Variants in SCN9A observed in about 807,000 individuals in gnomAD.
The protein encoded by SCN9A is sodium channel protein type 9 subunit alpha.
Under a neutral mutation model 187.0 loss-of-function variants are expected in SCN9A, and 131 were observed. That is an observed-to-expected ratio of 0.70 (90% CI 0.61 to 0.81). The LOEUF is 0.81. SCN9A is among the 30% of genes least tolerant of loss of function. SCN9A has a pLI of 0.00. For synonymous variants in SCN9A, 809 were observed against 808.6 expected (o/e 1.00, Z -0.01); for missense variants, 2,252 against 2,396.6 (o/e 0.94, Z 1.26).
At chr2:166,359,441 G>A (rs1700226248) in intron 1 of SCN9A, among the ~76,000 whole-genome samples, 1 of 152,020 alleles carries the variant, frequency 6.6e-6, no homozygotes, top group Admixed American at 6.6e-5. Flanking sequence ...CTAATGTTAA[G>A]TGTATCAATA....
At chr2:166,254,932 G>T (rs1696200820) in intron 17 of SCN9A, among the ~76,000 whole-genome samples, 1 of 151,326 alleles carries the variant, frequency 6.6e-6, no homozygotes. Context: ...TAGCATTCCT[G>T]CCTTTTTATT....
chr2:166,363,551 C>A (rs531938194), intron 1 of SCN9A, among the ~76,000 whole-genome samples: 1 of 151,966 alleles, frequency 6.6e-6, no homozygotes, highest in African/African-American at 2.4e-5. Flanking sequence ...CAGAACAAAA[C>A]AAAATGAAAT....
In SCN9A at chr2:166,198,891, G is replaced by A. The variant is rs201970521; in HGVS notation, c.5748C>T (p.Tyr1916=). The change falls in exon 27 of 27, where the codon TAC becomes TAT. Residue 1916 remains tyrosine (Y), a synonymous_variant. Coordinates refer to ENST00000642356, the MANE Select transcript of SCN9A (RefSeq NM_001365536.1). ...CATCATCTCTGTCTCCATCTTTTAT[G>A]TATATACTTGATATATTTTTGACAT... is the stretch of plus-strand genomic sequence containing the variant. ...RQNVKNISSI[Y]IKDGDRDDDL... is the part of the protein sequence containing the mutation. The A allele has an allele frequency of 4.3e-6, 7 of 1,613,350 alleles. No individual in the cohort carries two copies. In the Admixed American group the frequency reaches 1.0e-4, roughly 23 times the overall value.
chr2:166,260,221 GACT>G (rs939307472), intron 17 of SCN9A, among the ~76,000 whole-genome samples: 2 of 151,832 alleles, frequency 1.3e-5, no homozygotes, highest in African/African-American at 2.4e-5. Flanking sequence ...TCAACAAAAT[GACT>G]ACATTTCATA....
chr2:166,309,623 A>T (rs1038546290), intron 2 of SCN9A, among the ~76,000 whole-genome samples: 2 of 151,922 alleles, frequency 1.3e-5, no homozygotes, highest in East Asian at 3.9e-4. Context: ...ATGGAAGAAC[A>T]TTCCATGCTC....
At chr2:166,278,880 T>C (rs990145829) in intron 14 of SCN9A, among the ~76,000 whole-genome samples, 3 of 152,212 alleles carry the variant, frequency 2.0e-5, no homozygotes, top group Non-Finnish European at 4.4e-5. Flanking sequence ...TTCATGATAC[T>C]GGTATCAAAG....
At chr2:166,331,998 C>T (rs1249885294) in intron 1 of SCN9A, among the ~76,000 whole-genome samples, 2 of 152,100 alleles carry the variant, frequency 1.3e-5, no homozygotes, top group Non-Finnish European at 2.9e-5. Flanking sequence ...AGAGCCTTGA[C>T]ACCTGCCGTG....
At chr2:166,363,543 G>T (rs1559065025) in intron 1 of SCN9A, among the ~76,000 whole-genome samples, 1 of 151,908 alleles carries the variant, frequency 6.6e-6, no homozygotes, top group East Asian at 1.9e-4. Context: ...AGAAAAAACA[G>T]AACAAAACAA....
intron 24 of SCN9A, among the ~76,000 whole-genome samples, chr2:166,218,399 TAAAGTA>T (rs1325688433): frequency 6.6e-6 from 1 of 150,714 alleles, no homozygotes; most frequent in Non-Finnish European, 1.5e-5. Flanking sequence ...CCCTAGAACT[TAAAGTA>T]AAATAAAAAA....
Position 166,344,835 on chromosome 2 carries a change from A to G in SCN9A, c.-51+30862T>C, listed in dbSNP as rs79876905. Among the ~76,000 whole-genome samples the G allele has an allele frequency of 1.3e-3, 196 of 152,264 alleles. 6 individuals carry two copies. The East Asian group carries it at 0.034, about 26-fold the overall frequency. On this transcript the variant is annotated intron_variant, in intron 1 of 26. Coordinates refer to ENST00000642356, the MANE Select transcript of SCN9A (RefSeq NM_001365536.1). ...CTGTATGATTAGATGAGAAAACCCA[A>G]AATATGTGGGAGGAGAAGGCCATGA...
intron 16 of SCN9A, among the ~76,000 whole-genome samples, chr2:166,275,247 TTATA>T (rs1697178885): frequency 6.6e-6 from 1 of 152,128 alleles, no homozygotes; most frequent in African/African-American, 2.4e-5. Context: ...TTTTCACAAG[TTATA>T]CCTTTCCCAA....
At chr2:166,331,778 C>T (rs544577577) in intron 1 of SCN9A, among the ~76,000 whole-genome samples, 1 of 152,210 alleles carries the variant, frequency 6.6e-6, no homozygotes, top group Non-Finnish European at 1.5e-5. Flanking sequence ...AATATAATTT[C>T]TGTTTATTTT....
At chr2:166,288,120 T>TATATATACAC (rs56738765) in intron 10 of SCN9A, among the ~76,000 whole-genome samples, 2 of 135,562 alleles carry the variant, frequency 1.5e-5, no homozygotes, top group Non-Finnish European at 3.1e-5. Flanking sequence ...TATATATATA[T>TATATATACAC]ACACACACAT....
intron 11 of SCN9A, 146 bp from the exon 12 acceptor site, chr2:166,284,970 G>T: frequency 2.4e-6 from 2 of 841,160 alleles, no homozygotes; most frequent in Non-Finnish European, 3.5e-6. Context: ...AAGCAATTCA[G>T]TGAGAAGAAA....
chr2:166,361,966 AG>A (rs965656120), intron 1 of SCN9A, among the ~76,000 whole-genome samples: 1 of 152,106 alleles, frequency 6.6e-6, no homozygotes, highest in Non-Finnish European at 1.5e-5. Context: ...CTGATGGGGC[AG>A]GAATTGTTAA....
In SCN9A at chr2:166,306,586, G is replaced by A. The variant is rs367666265; in HGVS notation, c.391C>T (p.Leu131Phe). ...TTTGTCAGAATAGTGCACATGATGA[G>A]CATGCTGAATAAGGTAGCTTAGAAT... ...KILVHSLFSM[L>F]IMCTILTNCI... is the part of the protein sequence containing the mutation. The change falls in exon 4 of 27, where the codon CTC (leucine) becomes TTC (phenylalanine). Residue 131 changes from leucine (L) to phenylalanine (F), a missense_variant. Leu to Phe is a conservative substitution (Grantham distance 22, BLOSUM62 0). This residue lies in a region of SCN9A where 1,013 missense variants were observed against 997.4 expected (regional missense o/e 1.02). Transcript: ENST00000642356. 3 of 1,575,404 alleles carry A rather than the reference G, an allele frequency of 1.9e-6. No individual in the cohort carries two copies. Among genetic ancestry groups the A allele is most frequent in the African/African-American group, 1.3e-5 (1 of 74,320 alleles).
At position 166,278,259 on chromosome 2, in the gene SCN9A, G is replaced by T. The variant is rs1368150546; in HGVS notation, c.2398C>A (p.Pro800Thr). ...EMVLKLIAMD[P>T]YEYFQVGWNI... The stretch of plus-strand genomic sequence containing the variant: ...CAGCCTACTTGGAAATACTCATATG[G>T]ATCCATGGCAATCAGTTTTAATACC... The change falls in exon 15 of 27, where the codon CCA (proline) becomes ACA (threonine). Residue 800 changes from proline to threonine, a missense_variant. By Grantham distance (38) the Pro-to-Thr change is conservative. This residue lies in a region of SCN9A where 1,013 missense variants were observed against 997.4 expected (regional missense o/e 1.02). Coordinates refer to ENST00000642356, the MANE Select transcript of SCN9A (RefSeq NM_001365536.1). 1 of 1,611,654 alleles carries T rather than the reference G, an allele frequency of 6.2e-7. No individual in the cohort carries two copies. Among genetic ancestry groups the T allele is most frequent in the Admixed American group, 1.7e-5 (1 of 59,754 alleles).
chr2:166,219,675 G>A (rs1347556339), intron 24 of SCN9A, among the ~76,000 whole-genome samples: 1 of 152,004 alleles, frequency 6.6e-6, no homozygotes, highest in East Asian at 1.9e-4. Flanking sequence ...CCTATGACAT[G>A]TTTACCTATG....
At chr2:166,293,025 G>C (rs767307708) in intron 9 of SCN9A, among the ~76,000 whole-genome samples, 1 of 152,010 alleles carries the variant, frequency 6.6e-6, no homozygotes, top group Non-Finnish European at 1.5e-5. Context: ...GATTAAATAT[G>C]CCCAGAAAAG....
Sources: allele counts gnomAD v4.1 joint callset (sites outside exome capture counted in the v4.1 genomes callset), GRCh38; gene constraint gnomAD v4.1.1; regional missense constraint gnomAD v4.1.1; transcripts MANE v1.5; gene names NCBI Gene and HGNC (gene_info 2026-07-23, HGNC 2026-07-21).